LRRC7: variants seen among roughly 807,000 people sequenced by gnomAD.
LRRC7 encodes the protein leucine rich repeat containing 7.
A neutral mutation model predicts 175.7 loss-of-function variants in LRRC7; 23 were observed. The ratio of observed to expected loss-of-function variants is 0.13; its 90% confidence interval spans 0.09 to 0.19. The LOEUF is 0.19. Among genes scored for constraint, LRRC7 ranks in the 10% least tolerant of loss-of-function variants. LRRC7 has a pLI of 1.00. For synonymous variants in LRRC7, 685 were observed against 680.9 expected (o/e 1.01, Z -0.09); for missense variants, 1,354 against 1,904.7 (o/e 0.71, Z 5.38).
At chr1:69,690,420 GA>G (rs1661704209) in intron 2 of LRRC7, among the ~76,000 whole-genome samples, 1 of 152,112 alleles carries the variant, frequency 6.6e-6, no homozygotes, top group African/African-American at 2.4e-5. Context: ...GAAAAAGTCA[GA>G]AAAATATTTA....
chr1:70,059,200 T>G (rs1661386060), intron 23 of LRRC7, among the ~76,000 whole-genome samples: 1 of 152,186 alleles, frequency 6.6e-6, no homozygotes, highest in Non-Finnish European at 1.5e-5. Flanking sequence ...GTCTGTTCCC[T>G]CCCTGAGTGT....
chr1:69,965,687 T>G (rs527522896), intron 8 of LRRC7, among the ~76,000 whole-genome samples: 92 of 152,216 alleles, frequency 6.0e-4, no homozygotes, highest in African/African-American at 2.2e-3. Flanking sequence ...AAACGTGAAA[T>G]TAATGTAAAC....
At chr1:69,786,241 G>C (rs566915880) in intron 3 of LRRC7, among the ~76,000 whole-genome samples, 1 of 152,220 alleles carries the variant, frequency 6.6e-6, no homozygotes, top group South Asian at 2.1e-4. Flanking sequence ...TGGGTTTAAA[G>C]AAGCCCCATA....
At chr1:70,077,887 T>G (rs1340071899) in intron 24 of LRRC7, among the ~76,000 whole-genome samples, 2 of 152,146 alleles carry the variant, frequency 1.3e-5, no homozygotes, top group Non-Finnish European at 2.9e-5. Context: ...AACTGAGAGA[T>G]AAAATTTAAG....
chr1:69,879,243 G>T (rs1168457910), intron 7 of LRRC7, among the ~76,000 whole-genome samples: 2 of 113,970 alleles, frequency 1.8e-5, no homozygotes, highest in African/African-American at 9.8e-5. Context: ...AAAAGACTGC[G>T]CACTGGCCAG....
chr1:70,057,047 C>G (rs973706941), intron 23 of LRRC7, among the ~76,000 whole-genome samples: 3 of 152,022 alleles, frequency 2.0e-5, no homozygotes, highest in Non-Finnish European at 4.4e-5. Context: ...AGTAAAGAAA[C>G]CTGTAAAACT....
intron 18 of LRRC7, among the ~76,000 whole-genome samples, chr1:70,034,488 A>G (rs1362774776): frequency 6.6e-6 from 1 of 152,224 alleles, no homozygotes; most frequent in Non-Finnish European, 1.5e-5. Context: ...ACAGTATCAC[A>G]TAGAACACCT....
chr1:69,870,783 T>C (rs1384286254), intron 7 of LRRC7, among the ~76,000 whole-genome samples: 2 of 152,102 alleles, frequency 1.3e-5, no homozygotes, highest in Non-Finnish European at 2.9e-5. Context: ...GAGCACTCAC[T>C]CCCTCTTCTG....
At chr1:70,010,882 C>T (rs552555884) in intron 11 of LRRC7, among the ~76,000 whole-genome samples, 23 of 152,088 alleles carry the variant, frequency 1.5e-4, no homozygotes, top group South Asian at 1.0e-3. Flanking sequence ...GAAGTAAAGC[C>T]GGCTAAGTAT....
intron 3 of LRRC7, among the ~76,000 whole-genome samples, chr1:69,781,590 G>T (rs1037586940): frequency 1.3e-5 from 2 of 150,244 alleles, no homozygotes; most frequent in African/African-American, 4.9e-5. Context: ...GCTGAGGCAG[G>T]AGAATCGCTT....
rs143515881 is a variant in LRRC7 at position 70,137,354 on chromosome 1, G to A, written c.*15467G>A. Among the ~76,000 whole-genome samples the A allele has an allele frequency of 2.0e-5, 3 of 152,278 alleles. No individual in the cohort carries two copies. Among genetic ancestry groups the A allele is most frequent in the East Asian group, 3.9e-4 (2 of 5,172 alleles). ...TAAGGCTTGATAACAAAGGCTTACT[G>A]TTCCACTTAAAGGGATCAATCTGAG... On this transcript the variant is annotated 3_prime_UTR_variant, in exon 27 of 27. Coordinates refer to ENST00000651989, the MANE Select transcript of LRRC7 (RefSeq NM_001370785.2).
chr1:69,762,990 A>C (rs528508923), intron 3 of LRRC7, among the ~76,000 whole-genome samples: 1 of 152,154 alleles, frequency 6.6e-6, no homozygotes, highest in South Asian at 2.1e-4. Flanking sequence ...TTTCCCTTAA[A>C]GTATCTGATA....
intron 22 of LRRC7, among the ~76,000 whole-genome samples, chr1:70,052,775 C>A (rs1050191944): frequency 6.6e-6 from 1 of 151,984 alleles, no homozygotes; most frequent in Non-Finnish European, 1.5e-5. Flanking sequence ...TGTAAATAAT[C>A]TAAATTTTTC....
intron 7 of LRRC7, among the ~76,000 whole-genome samples, chr1:69,885,517 A>G (rs1687094416): frequency 7.2e-6 from 1 of 138,124 alleles, no homozygotes; most frequent in Non-Finnish European, 1.5e-5. Context: ...TTTTTTCTTT[A>G]TTAGTCTTGC....
rs552135369 is a variant in LRRC7, at chr1:69,889,975, C to T, written c.648-41532C>T. 2.6e-4 allele frequency among the ~76,000 whole-genome samples: 39 copies of T among 152,326 alleles called. No individual in the cohort carries two copies. In the Middle Eastern group the frequency reaches 0.01, roughly 40 times the overall value. On this transcript the variant is annotated intron_variant, in intron 7 of 26. Transcript: ENST00000651989. Reference sequence around the variant, plus strand: ...TCAGGCTCCACTTCTAATTTTAGATCTCTTTCTACCACATTGAAATTACTT... The same window carrying T: ...TCAGGCTCCACTTCTAATTTTAGATTTCTTTCTACCACATTGAAATTACTT...
intron 7 of LRRC7, among the ~76,000 whole-genome samples, chr1:69,880,870 A>C (rs1250505178): frequency 1.3e-5 from 2 of 152,208 alleles, no homozygotes; most frequent in Non-Finnish European, 2.9e-5. Context: ...TCCAGAAAAA[A>C]AAGACACAGC....
At chr1:69,938,995 TTATATATATATA>T (rs71583104) in intron 8 of LRRC7, among the ~76,000 whole-genome samples, 5 of 97,606 alleles carry the variant, frequency 5.1e-5, no homozygotes, top group Non-Finnish European at 1.1e-4. Flanking sequence ...AGGCTGTAGA[TTATATATATATA>T]TATATATCTA....
intron 7 of LRRC7, among the ~76,000 whole-genome samples, chr1:69,851,538 G>C (rs565242335): frequency 2.4e-4 from 37 of 152,214 alleles, no homozygotes; most frequent in Admixed American, 7.9e-4. Flanking sequence ...CGTAGAAGCA[G>C]GGACTCTTCT....
chr1:69,781,679 CAAAAAAAAG>C (rs1309758828), intron 3 of LRRC7, among the ~76,000 whole-genome samples: 1 of 72,092 alleles, frequency 1.4e-5, no homozygotes, highest in Non-Finnish European at 2.6e-5. Context: ...AAGACTGTCT[CAAAAAAAAG>C]AAGAAAGAAA....
Sources: allele counts gnomAD v4.1 joint callset (sites outside exome capture counted in the v4.1 genomes callset), GRCh38; gene constraint gnomAD v4.1.1; transcripts MANE v1.5; gene names NCBI Gene and HGNC (gene_info 2026-07-23, HGNC 2026-07-21).